The following SH3GL3 variants were observed in gnomAD, a reference collection of about 807,000 sequenced individuals.
The protein encoded by SH3GL3 is endophilin-A3.
A neutral mutation model predicts 47.7 loss-of-function variants in SH3GL3; 33 were observed. The observed-to-expected ratio is 0.69, with a 90% CI of 0.52 to 0.92. The LOEUF (loss-of-function observed/expected upper bound fraction) is 0.92, where lower values mean the gene tolerates loss of function less well. Among genes scored for constraint, SH3GL3 ranks in the 40% least tolerant of loss-of-function variants. The probability of loss-of-function intolerance (pLI) is 0.00; values close to 1 mark genes in which losing one functional copy is unlikely to be tolerated. For missense variants in SH3GL3, 363 were observed against 417.8 expected, an observed-to-expected ratio of 0.87 and a Z score of 1.14; for synonymous variants, 155 against 148.8, an observed-to-expected ratio of 1.04 and a Z score of -0.30.
chr15:83,491,863 A>T (rs2041886741), intron 1 of SH3GL3, among the ~76,000 whole-genome samples: 1 of 152,206 alleles, frequency 6.6e-6, no homozygotes, highest in Admixed American at 6.5e-5. Context: ...AGCTTCTTTC[A>T]AGCCGGGCAA....
intron 1 of SH3GL3, among the ~76,000 whole-genome samples, chr15:83,501,492 G>A (rs1442844483): frequency 6.6e-6 from 1 of 152,162 alleles, no homozygotes; most frequent in African/African-American, 2.4e-5. Flanking sequence ...TATTGGCATC[G>A]CAAGAGGAAC....
intron 6 of SH3GL3, among the ~76,000 whole-genome samples, chr15:83,583,884 G>T (rs914212850): frequency 3.3e-5 from 5 of 152,084 alleles, no homozygotes; most frequent in African/African-American, 9.7e-5. Context: ...TGGTTCTTAT[G>T]CGTCTCCAGG....
chr15:83,501,090 T>C (rs1340146580), intron 1 of SH3GL3, among the ~76,000 whole-genome samples: 1 of 152,228 alleles, frequency 6.6e-6, no homozygotes, highest in Non-Finnish European at 1.5e-5. Context: ...TTTAAATTGT[T>C]TTCACCTGAC....
chr15:83,459,695 A>T (rs2040174668), intron 1 of SH3GL3, among the ~76,000 whole-genome samples: 1 of 152,188 alleles, frequency 6.6e-6, no homozygotes, highest in South Asian at 2.1e-4. Flanking sequence ...TTTCAAATTG[A>T]AAGTGCTGCC....
At chr15:83,460,280 T>C (rs2040228392) in intron 1 of SH3GL3, among the ~76,000 whole-genome samples, 1 of 151,596 alleles carries the variant, frequency 6.6e-6, no homozygotes, top group African/African-American at 2.4e-5. Context: ...CTTTTCTTGA[T>C]GTGTCTAAAT....
chr15:83,551,290 A>T (rs1163349571), intron 1 of SH3GL3, among the ~76,000 whole-genome samples: 2 of 152,182 alleles, frequency 1.3e-5, no homozygotes, highest in South Asian at 2.1e-4. Context: ...TTGCAGCATA[A>T]ATCTTCTTTT....
intron 1 of SH3GL3, among the ~76,000 whole-genome samples, chr15:83,551,007 T>C (rs1311848671): frequency 6.6e-6 from 1 of 152,162 alleles, no homozygotes; most frequent in Non-Finnish European, 1.5e-5. Context: ...GACGCCAAGG[T>C]TTCTTTGAAA....
chr15:83,465,067 T>C (rs1474476321), intron 1 of SH3GL3, among the ~76,000 whole-genome samples: 1 of 150,748 alleles, frequency 6.6e-6, no homozygotes, highest in Non-Finnish European at 1.5e-5. Flanking sequence ...AAAAGAACTT[T>C]AGGAGGCCAA....
intron 5 of SH3GL3, among the ~76,000 whole-genome samples, chr15:83,574,436 C>T (rs2059620668): frequency 6.6e-6 from 1 of 152,158 alleles, no homozygotes; most frequent in African/African-American, 2.4e-5. Flanking sequence ...TCACCTCTCA[C>T]CTCCTCAGGG....
In SH3GL3 at chr15:83,508,603, G is replaced by A. The variant is rs544643971; in HGVS notation, c.46-50650G>A. 3.9e-5 allele frequency among the ~76,000 whole-genome samples: 6 copies of A among 152,088 alleles called. No homozygotes were observed. The East Asian group carries it at 7.8e-4, about 20-fold the overall frequency. ...TTACTTTTTTTTTTCTTTTGAGATG[G>A]AGTCTCGCTCTGTTGCCAGGCTGGA... On this transcript the variant is annotated intron_variant, in intron 1 of 8. Coordinates refer to ENST00000427482, the MANE Select transcript of SH3GL3 (RefSeq NM_003027.5).
At chr15:83,630,742 A>G in the SH3GL3 span, among the ~76,000 whole-genome samples, 8 of 152,254 alleles carry the variant, frequency 5.3e-5, no homozygotes, top group East Asian at 1.5e-3. Flanking sequence ...CCCTCCCAAG[A>G]CATGTGGGCA....
chr15:83,471,929 G>T (rs145770802), intron 1 of SH3GL3, among the ~76,000 whole-genome samples: 337 of 152,032 alleles, frequency 2.2e-3, no homozygotes, highest in African/African-American at 7.8e-3. Flanking sequence ...TGTCACTCAG[G>T]CTGGAGTGCA....
At chr15:83,449,645 T>C (rs982673119) in intron 1 of SH3GL3, among the ~76,000 whole-genome samples, 3 of 152,010 alleles carry the variant, frequency 2.0e-5, no homozygotes, top group Non-Finnish European at 4.4e-5. Flanking sequence ...TTGCTAGTCA[T>C]GGGTAGTTTG....
At position 83,447,575 on chromosome 15, in the gene SH3GL3, C is replaced by G. The variant is rs2151479365; in HGVS notation, c.42C>G (p.Ser14Arg). 2 of 1,504,138 alleles carry G rather than the reference C, an allele frequency of 1.3e-6. No individual in the cohort carries two copies. Among genetic ancestry groups the G allele is most frequent in the East Asian group, 2.9e-5 (1 of 34,542 alleles). 93.2% of individuals were successfully genotyped at this position (1,504,138 alleles called of 1,614,324 possible). Reference protein sequence around the residue: ...AGLKKQFHKASQLFSEKISGA... With the variant: ...AGLKKQFHKARQLFSEKISGA... ...TGAAGAAGCAGTTCCACAAAGCCAGCCAGGTAGGGAGGCGCAGAGGAGGGA... is the reference window on the plus strand; with the variant it reads ...TGAAGAAGCAGTTCCACAAAGCCAGGCAGGTAGGGAGGCGCAGAGGAGGGA... The change falls in exon 1 of 9, where the codon AGC becomes AGG. Residue 14 changes from serine (S) to arginine (R), a missense_variant. Physicochemically the swap from Ser to Arg is moderately radical, Grantham distance 110. Transcript: ENST00000427482. This position sits in a 1 kb window ranked among gnomAD's most constrained non-coding sequence, Gnocchi z 5.1.
intron 1 of SH3GL3, among the ~76,000 whole-genome samples, chr15:83,489,686 C>G (rs145030269): frequency 3.1e-4 from 47 of 152,300 alleles, no homozygotes; most frequent in African/African-American, 1.1e-3. Context: ...CTCTGGGCCT[C>G]TATCTCTATT....
At chr15:83,459,435 G>A (rs532672854) in intron 1 of SH3GL3, among the ~76,000 whole-genome samples, 4 of 152,184 alleles carry the variant, frequency 2.6e-5, no homozygotes, top group Non-Finnish European at 5.9e-5. Flanking sequence ...GTTTATGAAA[G>A]ATGGGTCTTG....
At chr15:83,586,223 G>A (rs1433285636) in intron 6 of SH3GL3, among the ~76,000 whole-genome samples, 1 of 152,126 alleles carries the variant, frequency 6.6e-6, no homozygotes, top group Non-Finnish European at 1.5e-5. Context: ...GACACGTGGG[G>A]GAGCAGGAAA....
intron 2 of SH3GL3, among the ~76,000 whole-genome samples, chr15:83,560,614 A>G (rs907339250): frequency 2.6e-5 from 4 of 152,050 alleles, no homozygotes; most frequent in African/African-American, 9.7e-5. Flanking sequence ...ACCTCCTTTT[A>G]CCTCCAAAAA....
At chr15:83,473,837 G>A (rs1242299892) in intron 1 of SH3GL3, among the ~76,000 whole-genome samples, 3 of 149,850 alleles carry the variant, frequency 2.0e-5, no homozygotes, top group Admixed American at 6.6e-5. Context: ...GTGAGCCACC[G>A]CGCCCGGCCT....
Sources: gnomAD v4.1 joint callset for allele counts (sites outside exome capture counted in the v4.1 genomes callset) on GRCh38, gnomAD v4.1.1 for gene constraint, Gnocchi (gnomAD v3.1) non-coding constraint, MANE v1.5 for transcripts, NCBI Gene and HGNC (gene_info 2026-07-23, HGNC 2026-07-21) for gene names.